The following RPL7L1 variants were observed in gnomAD, a reference collection of about 807,000 sequenced individuals.
The protein encoded by RPL7L1 is ribosomal protein L7 like 1.
Under a neutral mutation model 30.3 loss-of-function variants are expected in RPL7L1, and 20 were observed. The ratio of observed to expected loss-of-function variants is 0.66; its 90% confidence interval spans 0.46 to 0.96. The LOEUF (loss-of-function observed/expected upper bound fraction) is 0.96, where lower values mean the gene tolerates loss of function less well. Ranked by LOEUF, RPL7L1 falls within the 40% of genes least tolerant of loss-of-function variation. The probability of loss-of-function intolerance (pLI) is 0.00; values close to 1 mark genes in which losing one functional copy is unlikely to be tolerated. For synonymous variants in RPL7L1, 107 were observed against 110.1 expected (o/e 0.97, Z 0.18); for missense variants, 271 against 314.9 (o/e 0.86, Z 1.05).
chr6:42,885,890 C>A (rs1461750290), intron 4 of RPL7L1, 84 bp from the exon 5 acceptor site: 1 of 742,326 alleles, frequency 1.3e-6, no homozygotes, highest in South Asian at 1.5e-5. Context: ...GTGGGAGAAC[C>A]TCTCCAACCT....
In RPL7L1 at chr6:42,883,708, C is replaced by T. The variant is rs1007833755; in HGVS notation, c.311+94C>T. ...TCTAGGGAGATAATATGCCCCAAGC[C>T]ACTCAGGCAAATTGTGCTAGGATGT... On this transcript the variant is annotated intron_variant, in intron 3 of 5. Coordinates refer to ENST00000493763, the MANE Select transcript of RPL7L1 (RefSeq NM_001366481.3). 1.8e-5 allele frequency: 18 copies of T among 1,024,248 alleles called. No individual in the cohort carries two copies. The African/African-American group carries it at 2.6e-4, about 15-fold the overall frequency. 63.4% of individuals were successfully genotyped at this position (1,024,248 alleles called of 1,614,324 possible).
chr6:42,886,235 CTG>C lies in RPL7L1; in HGVS notation c.560-18_560-17del, dbSNP rs1385487253. The C allele has an allele frequency of 1.4e-5, 22 of 1,597,642 alleles. No homozygotes were observed. Among genetic ancestry groups the C allele is most frequent in the Non-Finnish European group, 1.7e-5 (20 of 1,166,950 alleles). On this transcript the variant is annotated intron_variant, in intron 5 of 5. Transcript: ENST00000493763. Reference sequence around the variant, plus strand: ...CTGGATACATGTTAAATAAAGGAATCTGTGCTTTTGTGTTTCTTAGGGAAGTT... The same window carrying C: ...CTGGATACATGTTAAATAAAGGAATCTGCTTTTGTGTTTCTTAGGGAAGTT...
chr6:42,880,248 C>T (rs1275407309), intron 1 of RPL7L1, among the ~76,000 whole-genome samples: 1 of 152,164 alleles, frequency 6.6e-6, no homozygotes, highest in African/African-American at 2.4e-5. Flanking sequence ...CCCGCCCCAA[C>T]CCCATAGATT....
chr6:42,880,122 C>T (rs1269264255), intron 1 of RPL7L1, among the ~76,000 whole-genome samples, 171 bp downstream of exon 1: 1 of 152,020 alleles, frequency 6.6e-6, no homozygotes, highest in Non-Finnish European at 1.5e-5. Flanking sequence ...AGGGAGGGGA[C>T]CGCGGTCAAG....
At chr6:42,884,118 G>T (rs545063414) in intron 3 of RPL7L1, among the ~76,000 whole-genome samples, 1 of 152,094 alleles carries the variant, frequency 6.6e-6, no homozygotes, top group Non-Finnish European at 1.5e-5. Flanking sequence ...CCAGAAACCT[G>T]TGGATTTTGC....
chr6:42,880,039 G>A (rs1766014751), intron 1 of RPL7L1, 88 bp downstream of exon 1: 1 of 1,300,466 alleles, frequency 7.7e-7, no homozygotes, highest in Admixed American at 1.7e-5. Flanking sequence ...GCGGATTCCT[G>A]TGGGCTCTAG....
rs1766320294 is a variant in RPL7L1, at chr6:42,887,586, A to T, written c.*1122A>T. 6.6e-6 allele frequency: 1 copy of T among 152,282 alleles called. No homozygotes were observed. The highest frequency in any genetic ancestry group is 1.9e-4 in the East Asian group (1 of 5,200). The allele number at this position is 152,282 out of a possible 1,614,324, so 9.4% of individuals were successfully genotyped here. A position where few individuals can be genotyped will look rare whatever the true frequency, so the allele number is the denominator to read the frequency against. On this transcript the variant is annotated 3_prime_UTR_variant, in exon 6 of 6. Coordinates refer to ENST00000493763, the MANE Select transcript of RPL7L1 (RefSeq NM_001366481.3). ...CAACAAGCGAAACTCTGTCTCAAAA[A>T]AAAAGAAAAGACAGTAGCATATGTT...
rs757171081 is a variant in RPL7L1 at position 42,886,300 on chromosome 6, G to T, written c.604G>T (p.Ala202Ser). The change falls in exon 6 of 6, where the codon GCC becomes TCC. Residue 202 changes from alanine to serine, a missense_variant. Transcript: ENST00000493763. ...ICLEDLIHEI[A>S]FPGKHFQEIS... ...CTTGGAAGACCTCATTCATGAAATTGCCTTCCCAGGGAAGCATTTCCAGGA... is the reference window on the plus strand; with the variant it reads ...CTTGGAAGACCTCATTCATGAAATTTCCTTCCCAGGGAAGCATTTCCAGGA... The T allele has an allele frequency of 3.1e-6, 5 of 1,611,258 alleles. No individual in the cohort carries two copies. Among genetic ancestry groups the T allele is most frequent in the Non-Finnish European group, 4.2e-6 (5 of 1,179,852 alleles).
At position 42,880,895 on chromosome 6, in the gene RPL7L1, C is replaced by T. The variant is rs1046766455; in HGVS notation, c.76C>T (p.Leu26=). Residue 26 remains leucine (L), a synonymous_variant, in exon 2 of 6, where the codon CTG becomes TTG. Transcript: ENST00000493763. ...AATCCCTTTGGTTCCAGAAAATCTC[C>T]TGAAAAAGAGGAAGGCTTATCAAGC... ...RKIPLVPENL[L]KKRKAYQALK... 2 of 1,607,614 alleles carry T rather than the reference C, an allele frequency of 1.2e-6. No homozygotes were observed. Among genetic ancestry groups the T allele is most frequent in the Admixed American group, 3.3e-5 (2 of 59,772 alleles).
At chr6:42,880,283 A>G (rs1008391371) in intron 1 of RPL7L1, among the ~76,000 whole-genome samples, 2 of 152,078 alleles carry the variant, frequency 1.3e-5, no homozygotes, top group Middle Eastern at 6.3e-3. Context: ...CCTATGAAGA[A>G]CTGTGGCCGT....
intron 3 of RPL7L1, 32 bp downstream of exon 3, chr6:42,883,646 G>A: frequency 6.5e-7 from 1 of 1,539,434 alleles, no homozygotes. Flanking sequence ...AATTGCATGA[G>A]GCTGGGGCAA....
At chr6:42,885,717 T>G in intron 4 of RPL7L1, 1 of 395,004 alleles carries the variant, frequency 2.5e-6, no homozygotes, top group Non-Finnish European at 4.7e-6. Context: ...TGGTTTCTGT[T>G]TTGTTTTTGT....
intron 2 of RPL7L1, chr6:42,881,603 C>T (rs2114078161): frequency 6.6e-6 from 1 of 152,170 alleles, no homozygotes; most frequent in Admixed American, 6.5e-5. Flanking sequence ...GCAAGAGTCT[C>T]ACTCTTGCCT....
intron 4 of RPL7L1, among the ~76,000 whole-genome samples, chr6:42,885,053 G>C (rs1277283065): frequency 6.6e-6 from 1 of 152,210 alleles, no homozygotes; most frequent in East Asian, 1.9e-4. Flanking sequence ...TTCCTGGCCG[G>C]ACACACTGGC....
At chr6:42,880,526 G>T in intron 1 of RPL7L1, 1 of 235,200 alleles carries the variant, frequency 4.3e-6, no homozygotes. Context: ...TGTTGTTTTT[G>T]TTTTGAGACG....
At position 42,880,973 on chromosome 6, in the gene RPL7L1, G is replaced by A. The variant is rs765813221; in HGVS notation, c.147+7G>A. On this transcript the variant is annotated splice_region_variant and intron_variant, in intron 2 of 5. Transcript: ENST00000493763. ...ACTTTTGGCAAAGAAGGAGGTAATG[G>A]TGGGGAACCAAGAGAAAGTAATTAG... The A allele has an allele frequency of 4.6e-5, 65 of 1,415,018 alleles. No individual in the cohort carries two copies. The highest frequency in any genetic ancestry group is 4.0e-4 in the Admixed American group (24 of 59,330). The allele number at this position is 1,415,018 out of a possible 1,614,324, so 87.7% of individuals were successfully genotyped here. A position where few individuals can be genotyped will look rare whatever the true frequency, so the allele number is the denominator to read the frequency against.
Position 42,886,028 on chromosome 6 carries a change from G to C in RPL7L1, c.504G>C (p.Lys168Asn), listed in dbSNP as rs1393358517. The change falls in exon 5 of 6, where the codon AAG (lysine) becomes AAC (asparagine). Residue 168 changes from lysine to asparagine, a missense_variant. Transcript: ENST00000493763. ...TCATTTTGAAACGTGGACAAGCCAA[G>C]GTCAAGAATAAGACCATCCCTCTGA... ...RELILKRGQAKVKNKTIPLTD... is the reference protein window; with the variant it reads ...RELILKRGQANVKNKTIPLTD... 2 of 1,610,562 alleles carry C rather than the reference G, an allele frequency of 1.2e-6. No homozygotes were observed. Among genetic ancestry groups the C allele is most frequent in the East Asian group, 2.2e-5 (1 of 44,888 alleles).
chr6:42,884,892 G>C, intron 4 of RPL7L1, 142 bp downstream of exon 4: 1 of 764,540 alleles, frequency 1.3e-6, no homozygotes, highest in Non-Finnish European at 2.1e-6. Context: ...TCAGTGGGTA[G>C]CTGTAATAAC....
chr6:42,879,661 C>G lies in RPL7L1; in HGVS notation c.-250C>G. 2.3e-6 allele frequency: 1 copy of G among 434,338 alleles called. No individual in the cohort carries two copies. Among genetic ancestry groups the G allele is most frequent in the Admixed American group, 3.4e-5 (1 of 29,598 alleles). The allele number at this position is 434,338 out of a possible 1,614,324, so 26.9% of individuals were successfully genotyped here. ...TAGGTGCATTGTGGGAAGCACTTTG[C>G]TGTCCACAGCCAGGCCGCTTGTGAT... is the stretch of plus-strand genomic sequence containing the variant. On this transcript the variant is annotated 5_prime_UTR_variant, in exon 1 of 6. Coordinates refer to ENST00000493763, the MANE Select transcript of RPL7L1 (RefSeq NM_001366481.3).
Sources: allele counts gnomAD v4.1 joint callset (sites outside exome capture counted in the v4.1 genomes callset), GRCh38; gene constraint gnomAD v4.1.1; transcripts MANE v1.5; gene names NCBI Gene and HGNC (gene_info 2026-07-23, HGNC 2026-07-21).